The following MRPL43 variants were observed in gnomAD, a reference collection of about 807,000 sequenced individuals.
MRPL43 encodes the protein large ribosomal subunit protein mL43.
Under a neutral mutation model 12.7 loss-of-function variants are expected in MRPL43, and 9 were observed. That is an observed-to-expected ratio of 0.71 (90% CI 0.43 to 1.24). The LOEUF (loss-of-function observed/expected upper bound fraction) is 1.24, where lower values mean the gene tolerates loss of function less well. Among genes scored for constraint, MRPL43 ranks in the 50% most tolerant of loss-of-function variants. The pLI, the probability that MRPL43 is intolerant of heterozygous loss-of-function variation, is 0.00. For missense variants in MRPL43, 211 were observed against 229.2 expected (o/e 0.92, Z 0.51); for synonymous variants, 116 against 96.4 (o/e 1.20, Z -1.19).
chr10:100,981,497 C>T (rs764085431), downstream of MRPL43: 38 of 1,614,022 alleles, frequency 2.4e-5, no homozygotes, highest in East Asian at 3.6e-4. Context: ...GGGTTCAGGA[C>T]GGTAATGGGT....
At chr10:100,984,599 C>T (rs567995095), downstream of MRPL43, 727 of 1,536,236 alleles carry the variant, frequency 4.7e-4, 11 homozygotes, top group South Asian at 7.9e-3. Flanking sequence ...CTAAGCCCTG[C>T]GTACATTCAC....
At chr10:100,982,765 C>A (rs976472277), downstream of MRPL43, among the ~76,000 whole-genome samples, 1 of 152,138 alleles carries the variant, frequency 6.6e-6, no homozygotes, top group African/African-American at 2.4e-5. Context: ...GCACTCCAGC[C>A]TAGGCGACAG....
At chr10:100,978,006 C>A (rs1850876488), downstream of MRPL43, 1 of 570,580 alleles carries the variant, frequency 1.8e-6, no homozygotes, top group Non-Finnish European at 3.1e-6. Context: ...GGCCTTGATC[C>A]CCTGGACAGC....
chr10:100,981,758 G>A (rs530995419), downstream of MRPL43, among the ~76,000 whole-genome samples: 12 of 152,246 alleles, frequency 7.9e-5, no homozygotes, highest in Admixed American at 5.9e-4. Flanking sequence ...TTAAGAAACT[G>A]GACCAGAATT....
chr10:100,986,584 C>T lies in MRPL43; in HGVS notation c.*150G>A. The T allele has an allele frequency of 6.3e-7, 1 of 1,597,260 alleles. No homozygotes were observed. The highest frequency in any genetic ancestry group is 8.5e-7 in the Non-Finnish European group (1 of 1,172,390). ...CCCAGAAGCAGGCACTGGAAAGAAA[C>T]AGGCAGCTCTTCATTATCCCAAGCA... On this transcript the variant is annotated 3_prime_UTR_variant, in exon 3 of 3. Transcript: ENST00000318364.
chr10:100,984,287 A>G, downstream of MRPL43: 28 of 1,439,556 alleles, frequency 1.9e-5, no homozygotes, highest in Non-Finnish European at 2.5e-5. Context: ...AGTCAGGCCC[A>G]GCCAAAGCCC....
At chr10:100,979,250 C>A, downstream of MRPL43, 1 of 1,614,212 alleles carries the variant, frequency 6.2e-7, no homozygotes, top group Non-Finnish European at 8.5e-7. Context: ...TTCTATGCAG[C>A]CTTCACGCTG....
At chr10:100,983,722 A>G (rs1851256014), downstream of MRPL43, 1 of 1,613,492 alleles carries the variant, frequency 6.2e-7, no homozygotes, top group Non-Finnish European at 8.5e-7. Flanking sequence ...TGTCTGCGGG[A>G]AGGCAGACGA....
Position 100,986,913 on chromosome 10 carries a change from C to T in MRPL43, c.301G>A (p.Val101Met). Residue 101 changes from valine to methionine, a missense_variant, in exon 3 of 3, where the codon GTG becomes ATG. Physicochemically the swap from Val to Met is conservative, Grantham distance 21. Transcript: ENST00000318364. ...CKSVEEISTL[V>M]QKLADQSGLD... is the part of the protein sequence containing the mutation. Reference sequence around the variant, plus strand: ...CCCGACTGGTCGGCCAGCTTCTGCACCAGCGTCGAGATCTCCTCGACCGAC... The same window carrying T: ...CCCGACTGGTCGGCCAGCTTCTGCATCAGCGTCGAGATCTCCTCGACCGAC... 6 of 1,611,512 alleles carry T rather than the reference C, an allele frequency of 3.7e-6. No homozygotes were observed. Among genetic ancestry groups the T allele is most frequent in the Non-Finnish European group, 5.1e-6 (6 of 1,180,010 alleles).
downstream of MRPL43, chr10:100,984,804 G>T (rs1162547813): frequency 3.3e-6 from 5 of 1,534,718 alleles, no homozygotes; most frequent in Non-Finnish European, 4.4e-6. Context: ...GCCTGGGGAG[G>T]TAAGACTGCA....
At chr10:100,981,350 A>G, downstream of MRPL43, 1 of 1,603,718 alleles carries the variant, frequency 6.2e-7, no homozygotes, top group South Asian at 1.1e-5. Context: ...GGTAAGGATG[A>G]CTCAAACACA....
rs1851498718 is a variant in MRPL43 at position 100,986,705 on chromosome 10, C to A, written c.*29G>T. On this transcript the variant is annotated 3_prime_UTR_variant, in exon 3 of 3. Coordinates refer to ENST00000318364, the MANE Select transcript of MRPL43 (RefSeq NM_032112.3). ...CCTTTACCGGAGTAACAGTCCAAAG[C>A]CTGGGGCTGCAGTTGGTGGGGCAAC... The A allele has an allele frequency of 6.2e-7, 1 of 1,613,834 alleles. No homozygotes were observed. The highest frequency in any genetic ancestry group is 1.3e-5 in the African/African-American group (1 of 74,922).
chr10:100,981,234 GTGACTCATA>G (rs750718779), downstream of MRPL43: 2 of 1,613,996 alleles, frequency 1.2e-6, no homozygotes, highest in Non-Finnish European at 1.7e-6. Flanking sequence ...ATACAGGTAA[GTGACTCATA>G]TGAGTGTGGG....
At chr10:100,977,835 GT>G, downstream of MRPL43, 1 of 976,424 alleles carries the variant, frequency 1.0e-6, no homozygotes, top group Non-Finnish European at 1.6e-6. Flanking sequence ...GAGACGGATG[GT>G]TTATTAAGGG....
chr10:100,987,468 C>T lies in MRPL43; in HGVS notation c.-25G>A, dbSNP rs1406625298. 2 of 1,609,134 alleles carry T rather than the reference C, an allele frequency of 1.2e-6. No homozygotes were observed. Among genetic ancestry groups the T allele is most frequent in the South Asian group, 2.2e-5 (2 of 90,924 alleles). On this transcript the variant is annotated 5_prime_UTR_variant, in exon 1 of 3. Transcript: ENST00000318364. ...TAGCTACAGCTTGGAGGCCGCGGAG[C>T]CTAAGCAGCGAGGAGAGGGGGGCGG...
chr10:100,986,298 C>A lies in MRPL43; in HGVS notation c.*436G>T. The A allele has an allele frequency of 1.4e-6, 2 of 1,381,534 alleles. No homozygotes were observed. Among genetic ancestry groups the A allele is most frequent in the South Asian group, 1.8e-5 (1 of 56,380 alleles). 85.6% of individuals were successfully genotyped at this position (1,381,534 alleles called of 1,614,324 possible). A position where few individuals can be genotyped will look rare whatever the true frequency, so the allele number is the denominator to read the frequency against. On this transcript the variant is annotated 3_prime_UTR_variant, in exon 3 of 3. Coordinates refer to ENST00000318364, the MANE Select transcript of MRPL43 (RefSeq NM_032112.3). ...ATGTGACCTTGGATAAGTTTATTAA[C>A]CTGTTTTATAAATCTGTATTCACAC...
rs1368096342 is a variant in MRPL43, at chr10:100,986,563, G to A, written c.*171C>T. 1 of 1,572,508 alleles carries A rather than the reference G, an allele frequency of 6.4e-7. No individual in the cohort carries two copies. Among genetic ancestry groups the A allele is most frequent in the East Asian group, 2.4e-5 (1 of 42,024 alleles). ...GTGGTTCACAAGGTCACTGCCCCCA[G>A]AAGCAGGCACTGGAAAGAAACAGGC... On this transcript the variant is annotated 3_prime_UTR_variant, in exon 3 of 3. Coordinates refer to ENST00000318364, the MANE Select transcript of MRPL43 (RefSeq NM_032112.3).
At chr10:100,981,425 CAT>C, downstream of MRPL43, 2 of 1,613,962 alleles carry the variant, frequency 1.2e-6, no homozygotes, top group Non-Finnish European at 1.7e-6. Context: ...AACTAGGAAA[CAT>C]ATTTAAGATG....
At chr10:100,978,868 C>A, downstream of MRPL43, 1 of 1,614,030 alleles carries the variant, frequency 6.2e-7, no homozygotes, top group East Asian at 2.2e-5. Context: ...TTGTGTTCTC[C>A]GTCCTCGTGC....
Sources: allele counts gnomAD v4.1 joint callset (sites outside exome capture counted in the v4.1 genomes callset), GRCh38; gene constraint gnomAD v4.1.1; transcripts MANE v1.5; gene names NCBI Gene and HGNC (gene_info 2026-07-23, HGNC 2026-07-21).